The following PPP6R2 variants were observed in gnomAD, a reference collection of about 807,000 sequenced individuals.
PPP6R2 encodes serine/threonine-protein phosphatase 6 regulatory subunit 2.
Under a neutral mutation model 100.2 loss-of-function variants are expected in PPP6R2, and 62 were observed. The observed-to-expected ratio is 0.62, with a 90% CI of 0.50 to 0.76. PPP6R2 has a LOEUF of 0.76. PPP6R2 is among the 30% of genes least tolerant of loss of function. The pLI, the probability that PPP6R2 is intolerant of heterozygous loss-of-function variation, is 0.00. For missense variants in PPP6R2, 1,142 were observed against 1,276.3 expected, an observed-to-expected ratio of 0.89 and a Z score of 1.60; for synonymous variants, 525 against 514.7, an observed-to-expected ratio of 1.02 and a Z score of -0.27.
intron 2 of PPP6R2, among the ~76,000 whole-genome samples, chr22:50,374,911 CAA>C (rs60035779): frequency 3.7e-4 from 30 of 80,946 alleles, no homozygotes; most frequent in East Asian, 1.4e-3. Context: ...GACTCTGTCT[CAA>C]AAAAAAAAAA....
intron 10 of PPP6R2, among the ~76,000 whole-genome samples, chr22:50,429,529 C>T (rs1160657401): frequency 2.0e-5 from 3 of 152,104 alleles, no homozygotes; most frequent in Non-Finnish European, 2.9e-5. Flanking sequence ...ATTTTGCATC[C>T]ATGTTGATAA....
At chr22:50,413,706 A>G (rs1368403570) in intron 4 of PPP6R2, among the ~76,000 whole-genome samples, 1 of 121,858 alleles carries the variant, frequency 8.2e-6, no homozygotes, top group Non-Finnish European at 1.7e-5. Flanking sequence ...CTCTTTTCCC[A>G]CCACTCCTTT....
chr22:50,338,309 T>TGTGTGGTGTGTAGTGTGTG (rs2042326140), upstream of PPP6R2, among the ~76,000 whole-genome samples: 1 of 147,198 alleles, frequency 6.8e-6, no homozygotes, highest in Non-Finnish European at 1.5e-5. Flanking sequence ...GTGTGGTGTG[T>TGTGTGGTGTGTAGTGTGTG]GTGTGGTGTG....
In PPP6R2 at chr22:50,431,707, G is replaced by A. The variant is rs937884556; in HGVS notation, c.1335+325G>A. 6.6e-6 allele frequency among the ~76,000 whole-genome samples: 1 copy of A among 152,210 alleles called. No homozygotes were observed. Among genetic ancestry groups the A allele is most frequent in the African/African-American group, 2.4e-5 (1 of 41,464 alleles). ...AATGCCCAGGGAGCCAGCAGTGTCAGTGATGGGAGCCACACGGTGGGGAGG... is the reference window on the plus strand; with the variant it reads ...AATGCCCAGGGAGCCAGCAGTGTCAATGATGGGAGCCACACGGTGGGGAGG... On this transcript the variant is annotated intron_variant, in intron 11 of 23. Coordinates refer to ENST00000612753, the MANE Select transcript of PPP6R2 (RefSeq NM_001242898.2). This position sits in a 1 kb window ranked among gnomAD's most constrained non-coding sequence, Gnocchi z 4.8.
intron 1 of PPP6R2, among the ~76,000 whole-genome samples, chr22:50,362,283 A>G (rs1380750453): frequency 2.6e-5 from 4 of 152,164 alleles, no homozygotes; most frequent in African/African-American, 4.8e-5. Context: ...CCTTCATCCT[A>G]TGTAACAGCC....
At chr22:50,370,437 G>A (rs904095513) in intron 1 of PPP6R2, among the ~76,000 whole-genome samples, 3 of 151,524 alleles carry the variant, frequency 2.0e-5, no homozygotes, top group Non-Finnish European at 2.9e-5. Flanking sequence ...ACAGGCGCCT[G>A]CCACCACGCC....
intron 1 of PPP6R2, among the ~76,000 whole-genome samples, chr22:50,364,665 G>A (rs1322049026): frequency 6.6e-6 from 1 of 152,232 alleles, no homozygotes; most frequent in Non-Finnish European, 1.5e-5. Flanking sequence ...CAGATAGGAA[G>A]ATCAGGCAAG....
chr22:50,415,540 G>A (rs928780479), intron 5 of PPP6R2, among the ~76,000 whole-genome samples: 1 of 152,250 alleles, frequency 6.6e-6, no homozygotes, highest in African/African-American at 2.4e-5. Context: ...GCCACGGGGG[G>A]ACAGCTCATC....
Position 50,423,670 on chromosome 22 carries a change from G to A in PPP6R2, c.1125+56G>A. On this transcript the variant is annotated intron_variant, in intron 10 of 23. Coordinates refer to ENST00000612753, the MANE Select transcript of PPP6R2 (RefSeq NM_001242898.2). This position sits in a 1 kb window ranked among gnomAD's most constrained non-coding sequence, Gnocchi z 4.8. ...TCTGTGAGTGTGCCGGGCATGGCCT[G>A]TGGACTTGTCAGGAGCAGCAGAGCA... is the stretch of plus-strand genomic sequence containing the variant. The A allele has an allele frequency of 6.3e-7, 1 of 1,599,748 alleles. No individual in the cohort carries two copies. Among genetic ancestry groups the A allele is most frequent in the Non-Finnish European group, 8.5e-7 (1 of 1,170,086 alleles).
At chr22:50,400,761 G>A (rs1310062531) in intron 3 of PPP6R2, among the ~76,000 whole-genome samples, 1 of 152,144 alleles carries the variant, frequency 6.6e-6, no homozygotes, top group East Asian at 1.9e-4. Context: ...AAGATATCCC[G>A]AGTAGACAAA....
intron 1 of PPP6R2, among the ~76,000 whole-genome samples, chr22:50,354,389 C>G (rs1469079578): frequency 6.6e-6 from 1 of 152,172 alleles, no homozygotes; most frequent in Non-Finnish European, 1.5e-5. Flanking sequence ...ACCAGTTGAG[C>G]TTCCCCAATA....
chr22:50,439,892 G>C (rs1362686780), intron 20 of PPP6R2, 35 bp downstream of exon 20: 1 of 1,608,036 alleles, frequency 6.2e-7, no homozygotes, highest in African/African-American at 1.3e-5. Flanking sequence ...GGCTGTGCCA[G>C]GAAGTGCCTG....
At chr22:50,424,763 G>A (rs996021674) in intron 10 of PPP6R2, among the ~76,000 whole-genome samples, 3 of 150,758 alleles carry the variant, frequency 2.0e-5, no homozygotes, top group African/African-American at 4.9e-5. Flanking sequence ...TCAGCCTCCC[G>A]AGTAGCTGAG....
At chr22:50,428,435 G>C (rs2062577972) in intron 10 of PPP6R2, among the ~76,000 whole-genome samples, 1 of 152,190 alleles carries the variant, frequency 6.6e-6, no homozygotes. Flanking sequence ...ATCAGGTCAG[G>C]TGTGGTGGCT....
chr22:50,362,182 C>T (rs780566692), intron 1 of PPP6R2, among the ~76,000 whole-genome samples: 1 of 152,174 alleles, frequency 6.6e-6, no homozygotes, highest in South Asian at 2.1e-4. Flanking sequence ...GAAGGTGCAT[C>T]CTCATAATGC....
chr22:50,370,263 A>C (rs1031165046), intron 1 of PPP6R2, among the ~76,000 whole-genome samples: 2 of 152,146 alleles, frequency 1.3e-5, no homozygotes, highest in African/African-American at 2.4e-5. Context: ...CCAAATACTA[A>C]CAGTGCACAG....
At chr22:50,367,388 A>G (rs2048980977) in intron 1 of PPP6R2, among the ~76,000 whole-genome samples, 1 of 152,114 alleles carries the variant, frequency 6.6e-6, no homozygotes, top group Non-Finnish European at 1.5e-5. Flanking sequence ...CTGAGACAGA[A>G]TCTTAGGTGG....
At chr22:50,348,379 T>G (rs1162351716) in intron 1 of PPP6R2, among the ~76,000 whole-genome samples, 1 of 151,860 alleles carries the variant, frequency 6.6e-6, no homozygotes, top group Non-Finnish European at 1.5e-5. Context: ...TAGGGAGATA[T>G]TTTGGAGGTA....
intron 8 of PPP6R2, among the ~76,000 whole-genome samples, chr22:50,421,391 G>T (rs1311577225): frequency 6.6e-6 from 1 of 152,080 alleles, no homozygotes; most frequent in South Asian, 2.1e-4. Context: ...CACCCACGTG[G>T]GAGTACAGCA....
Sources: gnomAD v4.1 joint callset for allele counts (sites outside exome capture counted in the v4.1 genomes callset) on GRCh38, gnomAD v4.1.1 for gene constraint, Gnocchi (gnomAD v3.1) non-coding constraint, MANE v1.5 for transcripts, NCBI Gene and HGNC (gene_info 2026-07-23, HGNC 2026-07-21) for gene names.